Variants in KLHL2 observed in about 807,000 individuals in gnomAD.
KLHL2 encodes kelch like family member 2.
In KLHL2, 15 loss-of-function variants were observed where a neutral mutation model predicts 75.8. The ratio of observed to expected loss-of-function variants is 0.20; its 90% confidence interval spans 0.13 to 0.30. The LOEUF is 0.30. Ranked by LOEUF, KLHL2 falls within the 10% of genes least tolerant of loss-of-function variation. KLHL2 has a pLI of 1.00. For missense variants in KLHL2, 381 were observed against 741.0 expected, an observed-to-expected ratio of 0.51 and a Z score of 5.64; for synonymous variants, 214 against 251.9, an observed-to-expected ratio of 0.85 and a Z score of 1.42.
chr4:165,285,091 C>T (rs962448738), intron 5 of KLHL2, among the ~76,000 whole-genome samples: 17 of 152,166 alleles, frequency 1.1e-4, no homozygotes, highest in African/African-American at 4.1e-4. Context: ...AGAGCCAAAC[C>T]TTATCAGTGT....
chr4:165,242,904 T>A (rs923330004), intron 4 of KLHL2, among the ~76,000 whole-genome samples: 1 of 152,220 alleles, frequency 6.6e-6, no homozygotes. Flanking sequence ...TCTCTAGTTA[T>A]ATGCTAAGCA....
In KLHL2 at chr4:165,321,292, C is replaced by G. The variant is rs188552237; in HGVS notation, c.1754-740C>G. 6.6e-6 allele frequency: 3 copies of G among 456,170 alleles called. No individual in the cohort carries two copies. In the East Asian group the frequency reaches 2.1e-4, roughly 32 times the overall value. 28.3% of individuals were successfully genotyped at this position (456,170 alleles called of 1,614,324 possible). On this transcript the variant is annotated intron_variant, in intron 14 of 14. Coordinates refer to ENST00000226725, the MANE Select transcript of KLHL2 (RefSeq NM_007246.4). ...CCTGAAACAACAAGACCAACCTCTC[C>G]TCTTTCTCCTCCTCCTCAGCCTGCT...
At chr4:165,209,957 T>G in intron 1 of KLHL2, 1 of 1,421,026 alleles carries the variant, frequency 7.0e-7, no homozygotes, top group Non-Finnish European at 9.3e-7. Flanking sequence ...CCACCATGGA[T>G]CCCGTGTGCC....
chr4:165,261,285 A>G (rs1443822295), intron 4 of KLHL2, among the ~76,000 whole-genome samples: 1 of 152,232 alleles, frequency 6.6e-6, no homozygotes, highest in Non-Finnish European at 1.5e-5. Flanking sequence ...AATGAAACCT[A>G]CTATACATAT....
intron 2 of KLHL2, among the ~76,000 whole-genome samples, chr4:165,225,031 C>T (rs1236242427): frequency 6.6e-6 from 1 of 152,142 alleles, no homozygotes; most frequent in Non-Finnish European, 1.5e-5. Flanking sequence ...CCCAAGGATG[C>T]CTTAGTATGT....
At chr4:165,290,630 A>G (rs1744438375) in intron 5 of KLHL2, among the ~76,000 whole-genome samples, 1 of 152,154 alleles carries the variant, frequency 6.6e-6, no homozygotes, top group Non-Finnish European at 1.5e-5. Context: ...ATTATATTTT[A>G]GATATAGAAG....
chr4:165,210,070 C>T, intron 1 of KLHL2: 1 of 1,551,266 alleles, frequency 6.4e-7, no homozygotes, highest in Non-Finnish European at 8.7e-7. Context: ...TAGGAAGACT[C>T]AGCTTTTCAT....
intron 6 of KLHL2, among the ~76,000 whole-genome samples, chr4:165,295,514 T>C (rs957356137): frequency 8.5e-5 from 13 of 152,326 alleles, no homozygotes; most frequent in Admixed American, 2.6e-4. Flanking sequence ...GAATAGAATT[T>C]GTTACTCATA....
intron 1 of KLHL2, 132 bp downstream of exon 1, chr4:165,208,034 A>G: frequency 1.9e-6 from 1 of 519,004 alleles, no homozygotes; most frequent in Non-Finnish European, 2.8e-6. Context: ...GGGCGTGACG[A>G]GGCGCTGTGC....
chr4:165,278,988 A>G (rs757855202), intron 5 of KLHL2: 4 of 1,496,822 alleles, frequency 2.7e-6, no homozygotes, highest in Non-Finnish European at 3.7e-6. Flanking sequence ...AAAAATTCAC[A>G]GAGTTGTTTA....
At chr4:165,276,396 C>A (rs544764992) in intron 5 of KLHL2, among the ~76,000 whole-genome samples, 3 of 152,208 alleles carry the variant, frequency 2.0e-5, no homozygotes, top group Non-Finnish European at 4.4e-5. Context: ...GTGTTTCCCC[C>A]AAACCTGTAT....
chr4:165,267,949 T>G (rs977318608), intron 5 of KLHL2, among the ~76,000 whole-genome samples: 34 of 152,194 alleles, frequency 2.2e-4, no homozygotes, highest in African/African-American at 8.2e-4. Flanking sequence ...CCTGGACTTT[T>G]TTTGGTTAAT....
chr4:165,257,255 C>T (rs929817116), intron 4 of KLHL2, among the ~76,000 whole-genome samples: 6 of 152,292 alleles, frequency 3.9e-5, no homozygotes, highest in Middle Eastern at 3.4e-3. Flanking sequence ...GAGGGAAAAC[C>T]GGTTCATAGG....
At chr4:165,243,092 T>C (rs1478830622) in intron 4 of KLHL2, among the ~76,000 whole-genome samples, 2 of 150,334 alleles carry the variant, frequency 1.3e-5, no homozygotes, top group African/African-American at 5.0e-5. Context: ...AAAATGTAAA[T>C]GTCTTTATAA....
At chr4:165,264,605 T>TATATATATATATATATATAC (rs757273597) in intron 5 of KLHL2, among the ~76,000 whole-genome samples, 121 of 124,092 alleles carry the variant, frequency 9.8e-4, no homozygotes, top group Middle Eastern at 4.2e-3. Context: ...TATATATATA[T>TATATATATATATATATATAC]ACACACACAC....
At chr4:165,266,648 C>A (rs1395555338) in intron 5 of KLHL2, among the ~76,000 whole-genome samples, 1 of 152,160 alleles carries the variant, frequency 6.6e-6, no homozygotes, top group Non-Finnish European at 1.5e-5. Context: ...GGTGTTATTT[C>A]TGAGGCCTCT....
At chr4:165,218,855 A>G (rs796232842) in intron 1 of KLHL2, among the ~76,000 whole-genome samples, 1 of 152,222 alleles carries the variant, frequency 6.6e-6, no homozygotes, top group African/African-American at 2.4e-5. Context: ...ATATACAAGT[A>G]TGATATTTTT....
intron 2 of KLHL2, 126 bp from the exon 3 acceptor site, chr4:165,228,681 G>A (rs976797604): frequency 8.3e-6 from 5 of 602,546 alleles, no homozygotes; most frequent in Non-Finnish European, 1.5e-5. Context: ...TGTCCCAAAG[G>A]ATGGCTGTCT....
intron 2 of KLHL2, among the ~76,000 whole-genome samples, chr4:165,225,293 C>T (rs925712097): frequency 2.0e-5 from 3 of 152,162 alleles, no homozygotes; most frequent in Non-Finnish European, 1.5e-5. Context: ...ACACTTGCCC[C>T]ATCTTAAAGT....
Sources: gnomAD v4.1 joint callset for allele counts (sites outside exome capture counted in the v4.1 genomes callset) on GRCh38, gnomAD v4.1.1 for gene constraint, MANE v1.5 for transcripts, NCBI Gene and HGNC (gene_info 2026-07-23, HGNC 2026-07-21) for gene names.